FARS2: variants seen among roughly 807,000 people sequenced by gnomAD.
The protein encoded by FARS2 is phenylalanyl-tRNA synthetase 2, mitochondrial.
FARS2 carries 40 observed loss-of-function variants against 46.4 expected under a neutral mutation model. The ratio of observed to expected loss-of-function variants is 0.86; its 90% confidence interval spans 0.67 to 1.12. The LOEUF (loss-of-function observed/expected upper bound fraction) is 1.12, where lower values mean the gene tolerates loss of function less well. Among genes scored for constraint, FARS2 ranks in the 50% most tolerant of loss-of-function variants. The pLI is 0.00. For synonymous variants in FARS2, 234 were observed against 214.9 expected (o/e 1.09, Z -0.78); for missense variants, 513 against 567.9 (o/e 0.90, Z 0.98).
chr6:5,654,898 T>G (rs1004620741), intron 6 of FARS2, among the ~76,000 whole-genome samples: 9 of 152,244 alleles, frequency 5.9e-5, no homozygotes, highest in Non-Finnish European at 7.3e-5. Context: ...TGAAGACCTT[T>G]ATGATAATCC....
intron 1 of FARS2, among the ~76,000 whole-genome samples, chr6:5,366,693 A>G (rs1758701447): frequency 6.6e-6 from 1 of 152,200 alleles, no homozygotes; most frequent in African/African-American, 2.4e-5. Flanking sequence ...ACTGGGAAGG[A>G]AAAGCATCGA....
chr6:5,415,781 C>T (rs1321643234), intron 3 of FARS2, among the ~76,000 whole-genome samples: 4 of 152,258 alleles, frequency 2.6e-5, no homozygotes, highest in African/African-American at 4.8e-5. Context: ...GATCTCAGCT[C>T]ACTGCATCCT....
intron 1 of FARS2, among the ~76,000 whole-genome samples, chr6:5,290,327 GCTGGCAGGTT>G (rs1402481663): frequency 6.6e-6 from 1 of 152,168 alleles, no homozygotes; most frequent in Non-Finnish European, 1.5e-5. Flanking sequence ...TTTGTACAAA[GCTGGCAGGTT>G]CTGTGGACAG....
chr6:5,652,677 A>G (rs17141096), intron 6 of FARS2, among the ~76,000 whole-genome samples: 3,302 of 152,290 alleles, frequency 0.022, 134 homozygotes, highest in African/African-American at 0.075. Flanking sequence ...ACCTTTGATG[A>G]GCGCTTGTTA....
chr6:5,643,433 C>T (rs560856987), intron 6 of FARS2, among the ~76,000 whole-genome samples: 26 of 152,300 alleles, frequency 1.7e-4, no homozygotes, highest in African/African-American at 5.3e-4. Context: ...GGAGCCAAAA[C>T]GTGCAGGCTG....
chr6:5,661,150 G>T lies in FARS2; in HGVS notation c.1217+47830G>T, dbSNP rs1187854964. Among the ~76,000 whole-genome samples the T allele has an allele frequency of 2.0e-5, 3 of 152,178 alleles. No individual in the cohort carries two copies. The East Asian group carries it at 5.8e-4, about 29-fold the overall frequency. ...ATAAATAAAACCCAAAATTTCTACA[G>T]CTTGCTACTTAGTTGAACACGAGGG... is the stretch of plus-strand genomic sequence containing the variant. On this transcript the variant is annotated intron_variant, in intron 6 of 6. Transcript: ENST00000274680.
Position 5,536,186 on chromosome 6 carries a change from G to T in FARS2, c.905-8994G>T, listed in dbSNP as rs143099762. Among the ~76,000 whole-genome samples the T allele has an allele frequency of 9.6e-3, 1,460 of 151,850 alleles. 22 individuals carry two copies. The highest frequency in any genetic ancestry group is 0.033 in the African/African-American group (1,374 of 41,382). ...CCTGCCTCAGCCTCCCAAGTAGCTG[G>T]GACTACAGGCTCCCGCCATGCCTGG... On this transcript the variant is annotated intron_variant, in intron 4 of 6. Transcript: ENST00000274680.
chr6:5,418,896 T>G (rs1395601042), intron 3 of FARS2, among the ~76,000 whole-genome samples: 4 of 151,750 alleles, frequency 2.6e-5, no homozygotes, highest in Non-Finnish European at 5.9e-5. Context: ...ATTATTATTA[T>G]TAGTTTTTCA....
rs1768308276 is a variant in FARS2 at position 5,301,669 on chromosome 6, G to C, written c.-22+40009G>C. Reference sequence around the variant, plus strand: ...ATTGTCTCCATGCAGAAAGTGTGCAGTTTAATATATTAGGGTGGGTTGCGG... The same window carrying C: ...ATTGTCTCCATGCAGAAAGTGTGCACTTTAATATATTAGGGTGGGTTGCGG... On this transcript the variant is annotated intron_variant, in intron 1 of 6. Transcript: ENST00000274680. Among the ~76,000 whole-genome samples the C allele has an allele frequency of 2.0e-5, 3 of 152,102 alleles. No homozygotes were observed. In the South Asian group the frequency reaches 6.2e-4, roughly 32 times the overall value.
At chr6:5,299,171 T>A (rs1158023528) in intron 1 of FARS2, among the ~76,000 whole-genome samples, 1 of 152,244 alleles carries the variant, frequency 6.6e-6, no homozygotes, top group Non-Finnish European at 1.5e-5. Context: ...TGATGGCAGT[T>A]TCATTTTATA....
At chr6:5,468,804 A>G (rs541432013) in intron 4 of FARS2, among the ~76,000 whole-genome samples, 1 of 152,328 alleles carries the variant, frequency 6.6e-6, no homozygotes, top group South Asian at 2.1e-4. Context: ...CAGTGAGATA[A>G]GAGTAGAAAG....
At chr6:5,422,340 C>T (rs1458028810) in intron 3 of FARS2, among the ~76,000 whole-genome samples, 2 of 152,064 alleles carry the variant, frequency 1.3e-5, no homozygotes, top group African/African-American at 2.4e-5. Flanking sequence ...TATCTTTCAA[C>T]TTAGACTATG....
chr6:5,394,880 G>A (rs1463318540), intron 2 of FARS2, among the ~76,000 whole-genome samples: 1 of 152,066 alleles, frequency 6.6e-6, no homozygotes, highest in Admixed American at 6.6e-5. Context: ...CATTCGAAGT[G>A]GTACAGAAAC....
intron 6 of FARS2, among the ~76,000 whole-genome samples, chr6:5,647,494 C>T (rs1777137419): frequency 6.6e-6 from 1 of 152,232 alleles, no homozygotes; most frequent in East Asian, 1.9e-4. Context: ...CTGGAAGGCA[C>T]ATTTCCTGCC....
chr6:5,339,459 C>T (rs1771401930), intron 1 of FARS2, among the ~76,000 whole-genome samples: 1 of 150,992 alleles, frequency 6.6e-6, no homozygotes, highest in South Asian at 2.1e-4. Flanking sequence ...GACGGAGTCT[C>T]ACCTTGTCAG....
intron 6 of FARS2, among the ~76,000 whole-genome samples, chr6:5,757,588 T>A (rs1294007283): frequency 6.6e-6 from 1 of 152,250 alleles, no homozygotes; most frequent in Admixed American, 6.5e-5. Context: ...GCTAGTGCTT[T>A]GAGGTGGGAT....
intron 4 of FARS2, among the ~76,000 whole-genome samples, chr6:5,438,257 C>CCA (rs1269588587): frequency 1.2e-3 from 94 of 78,686 alleles, no homozygotes; most frequent in African/African-American, 4.5e-3. Flanking sequence ...CCCCCCCCCC[C>CCA]ATTTTTGTTT....
chr6:5,608,358 A>T (rs1774967497), intron 5 of FARS2, among the ~76,000 whole-genome samples: 1 of 152,142 alleles, frequency 6.6e-6, no homozygotes, highest in South Asian at 2.1e-4. Flanking sequence ...TAGACCTGTG[A>T]TGAGACAGAG....
chr6:5,365,176 A>C (rs967493799), intron 1 of FARS2, among the ~76,000 whole-genome samples: 3 of 152,006 alleles, frequency 2.0e-5, no homozygotes, highest in Admixed American at 6.6e-5. Context: ...TATTGGATTT[A>C]CTTATTCATG....
Sources: gnomAD v4.1 joint callset for allele counts (sites outside exome capture counted in the v4.1 genomes callset) on GRCh38, gnomAD v4.1.1 for gene constraint, MANE v1.5 for transcripts, NCBI Gene and HGNC (gene_info 2026-07-23, HGNC 2026-07-21) for gene names.